Variants in SLC25A26 observed in about 807,000 individuals in gnomAD.
SLC25A26 encodes solute carrier family 25 member 26.
A neutral mutation model predicts 37.8 loss-of-function variants in SLC25A26; 36 were observed. The observed-to-expected ratio is 0.95, with a 90% CI of 0.73 to 1.26. SLC25A26 has a LOEUF of 1.26. Among genes scored for constraint, SLC25A26 ranks in the 50% most tolerant of loss-of-function variants. The pLI is 0.00. For synonymous variants in SLC25A26, 129 were observed against 122.5 expected, an observed-to-expected ratio of 1.05 and a Z score of -0.35; for missense variants, 390 against 331.1, an observed-to-expected ratio of 1.18 and a Z score of -1.38.
intron 5 of SLC25A26, among the ~76,000 whole-genome samples, chr3:66,293,760 G>C (rs560497727): frequency 6.6e-6 from 1 of 152,158 alleles, no homozygotes; most frequent in South Asian, 2.1e-4. Context: ...TGGTATATAT[G>C]TACCACATTT....
At chr3:66,306,794 A>G (rs6764044) in intron 5 of SLC25A26, among the ~76,000 whole-genome samples, 8,077 of 152,080 alleles carry the variant, frequency 0.053, 687 homozygotes, top group African/African-American at 0.18. Flanking sequence ...GCTGGGAATG[A>G]TGGTTTTTAG....
chr3:66,241,155 C>T (rs889084449), intron 2 of SLC25A26, among the ~76,000 whole-genome samples: 1 of 152,034 alleles, frequency 6.6e-6, no homozygotes, highest in Non-Finnish European at 1.5e-5. Flanking sequence ...TGAAAAAAAG[C>T]CATGTGTAAG....
intron 5 of SLC25A26, among the ~76,000 whole-genome samples, chr3:66,331,847 A>AC (rs2075981568): frequency 6.6e-6 from 1 of 152,096 alleles, no homozygotes; most frequent in Non-Finnish European, 1.5e-5. Flanking sequence ...ATCCCTCCTC[A>AC]GTAAGGTGAT....
intron 5 of SLC25A26, among the ~76,000 whole-genome samples, chr3:66,317,531 A>G (rs1374039524): frequency 6.6e-6 from 1 of 152,118 alleles, no homozygotes; most frequent in Non-Finnish European, 1.5e-5. Flanking sequence ...TGCTGGATAG[A>G]ATGCCCTTGT....
At chr3:66,263,220 A>G (rs2073598967) in intron 4 of SLC25A26, 112 bp from the exon 5 acceptor site, 2 of 742,916 alleles carry the variant, frequency 2.7e-6, no homozygotes. Flanking sequence ...GAAGTGTGGC[A>G]ATTGTGAATG....
rs760875384 is a variant in SLC25A26 at position 66,275,689 on chromosome 3, ACTGT to A, written c.453+12315_453+12318del. Among the ~76,000 whole-genome samples the A allele has an allele frequency of 3.9e-5, 6 of 152,206 alleles. No homozygotes were observed. The South Asian group carries it at 8.3e-4, about 21-fold the overall frequency. ...AAGCTAATGGTTTTCTGCCAGATAA[ACTGT>A]CTGTACTTCCATTGAGATTAATTTT... On this transcript the variant is annotated intron_variant, in intron 5 of 9. Transcript: ENST00000354883.
chr3:66,223,365 C>T (rs782451675), intron 1 of SLC25A26, among the ~76,000 whole-genome samples: 3 of 152,050 alleles, frequency 2.0e-5, no homozygotes, highest in South Asian at 2.1e-4. Context: ...GTAAGGATAG[C>T]ATGGCAGGGG....
intron 1 of SLC25A26, among the ~76,000 whole-genome samples, chr3:66,163,115 T>C (rs1161729738): frequency 1.3e-5 from 2 of 152,200 alleles, no homozygotes; most frequent in African/African-American, 4.8e-5. Flanking sequence ...CTTGTTAAAA[T>C]GTTCACTCTT....
intron 5 of SLC25A26, among the ~76,000 whole-genome samples, chr3:66,292,070 T>A (rs963835512): frequency 2.0e-5 from 3 of 152,214 alleles, no homozygotes; most frequent in Non-Finnish European, 4.4e-5. Context: ...TCTTTGTCTT[T>A]TTTTATGTTT....
intron 3 of SLC25A26, among the ~76,000 whole-genome samples, chr3:66,248,363 C>T (rs1235849226): frequency 1.3e-5 from 2 of 152,172 alleles, no homozygotes; most frequent in Non-Finnish European, 2.9e-5. Context: ...CTCTAAATCT[C>T]TACCTCAATA....
intron 5 of SLC25A26, among the ~76,000 whole-genome samples, chr3:66,325,407 C>G (rs2075812355): frequency 6.6e-6 from 1 of 152,196 alleles, no homozygotes; most frequent in Non-Finnish European, 1.5e-5. Context: ...GGGGAAACAT[C>G]TGTTAAGAAG....
chr3:66,359,793 T>G (rs1054528728), intron 6 of SLC25A26, among the ~76,000 whole-genome samples: 12 of 152,380 alleles, frequency 7.9e-5, no homozygotes, highest in Non-Finnish European at 1.2e-4. Flanking sequence ...TAGAGCATTT[T>G]CTGAAAATAT....
rs1256510704 is a variant in SLC25A26, at chr3:66,362,892, G to A, written c.531G>A (p.Val177=). The change falls in exon 7 of 10, where the codon GTG becomes GTA. Residue 177 remains valine (V), a synonymous_variant. Coordinates refer to ENST00000354883, the MANE Select transcript of SLC25A26 (RefSeq NM_001379210.1). The part of the protein sequence containing the change: ...ALWSWRQDHV[V]DSWQSAVCGA... ...GGTCCTGGAGGCAGGATCATGTGGTGGATTCTTGGCAGTCAGCAGTCTGTG... is the reference window on the plus strand; with the variant it reads ...GGTCCTGGAGGCAGGATCATGTGGTAGATTCTTGGCAGTCAGCAGTCTGTG... 3 of 1,608,022 alleles carry A rather than the reference G, an allele frequency of 1.9e-6. No homozygotes were observed. The highest frequency in any genetic ancestry group is 1.3e-5 in the African/African-American group (1 of 74,718).
rs1366902074 is a variant in SLC25A26 at position 66,180,846 on chromosome 3, G to T, written c.-353-39896G>T. 2.6e-5 allele frequency among the ~76,000 whole-genome samples: 4 copies of T among 152,184 alleles called. No homozygotes were observed. In the East Asian group the frequency reaches 7.7e-4, roughly 29 times the overall value. On this transcript the variant is annotated intron_variant, in intron 1 of 10. Transcript: ENST00000676754. ...TGAAGCCCTAACCCCCAGTGTGACT[G>T]TATTTGGAGACAGGGCCATAAGGAT...
At chr3:66,298,291 A>G (rs986194817) in intron 5 of SLC25A26, among the ~76,000 whole-genome samples, 3 of 152,244 alleles carry the variant, frequency 2.0e-5, no homozygotes, top group African/African-American at 7.2e-5. Flanking sequence ...GAAATGTTGG[A>G]TATTATTACT....
At chr3:66,245,816 A>G (rs192076445) in intron 3 of SLC25A26, among the ~76,000 whole-genome samples, 2 of 152,328 alleles carry the variant, frequency 1.3e-5, no homozygotes, top group Non-Finnish European at 2.9e-5. Flanking sequence ...CTTTATTGAG[A>G]TACAGTTCAC....
At chr3:66,375,092 A>C (rs138419884) in intron 9 of SLC25A26, among the ~76,000 whole-genome samples, 75 of 152,316 alleles carry the variant, frequency 4.9e-4, no homozygotes, top group Non-Finnish European at 9.1e-4. Context: ...CATACGAAGA[A>C]AGTTTGGTCT....
At chr3:66,277,882 C>T (rs2074210857) in intron 5 of SLC25A26, among the ~76,000 whole-genome samples, 1 of 151,936 alleles carries the variant, frequency 6.6e-6, no homozygotes, top group Non-Finnish European at 1.5e-5. Context: ...CATGAGAAAA[C>T]ATCACACAAA....
chr3:66,183,978 TG>T (rs1271251293), intron 1 of SLC25A26, among the ~76,000 whole-genome samples: 1 of 152,100 alleles, frequency 6.6e-6, no homozygotes, highest in African/African-American at 2.4e-5. Context: ...ATTCTCACAC[TG>T]GTGTTGACCC....
Sources: gnomAD v4.1 joint callset for allele counts (sites outside exome capture counted in the v4.1 genomes callset) on GRCh38, gnomAD v4.1.1 for gene constraint, MANE v1.5 for transcripts, NCBI Gene and HGNC (gene_info 2026-07-23, HGNC 2026-07-21) for gene names.